The following SSBP3 variants were observed in gnomAD, a reference collection of about 807,000 sequenced individuals.
SSBP3 encodes single-stranded DNA-binding protein 3.
In SSBP3, 5 loss-of-function variants were observed where a neutral mutation model predicts 69.6. The ratio of observed to expected loss-of-function variants is 0.07; its 90% CI spans 0.04 to 0.15. SSBP3 has a LOEUF of 0.15. SSBP3 is among the 10% of genes least tolerant of loss of function. SSBP3 has a pLI of 1.00. For synonymous variants in SSBP3, 196 were observed against 193.4 expected (o/e 1.01, Z -0.11); for missense variants, 312 against 534.0 (o/e 0.58, Z 4.10).
At chr1:54,251,920 A>G (rs1469117813) in intron 7 of SSBP3, 60 bp from the exon 8 acceptor site, 2 of 1,460,114 alleles carry the variant, frequency 1.4e-6, no homozygotes, top group Non-Finnish European at 1.9e-6. Flanking sequence ...CCATGGGGAC[A>G]GGCATCTACC....
rs771024441 is a variant in SSBP3, at chr1:54,353,270, C to T, written c.276+48591G>A. Among the ~76,000 whole-genome samples the T allele has an allele frequency of 6.9e-4, 105 of 152,178 alleles. 5 individuals are homozygous for T. Among genetic ancestry groups the T allele is most frequent in the Non-Finnish European group, 3.1e-4 (21 of 68,046 alleles). ...AATAGGGCAGACCCATTCTTTCCGT[C>T]GAAATCAGGCCCATTGCGAGGGGAA... On this transcript the variant is annotated intron_variant, in intron 4 of 17. Transcript: ENST00000610401.
chr1:54,391,998 A>C (rs537117508), intron 4 of SSBP3, among the ~76,000 whole-genome samples: 2 of 151,516 alleles, frequency 1.3e-5, no homozygotes, highest in African/African-American at 4.9e-5. Context: ...GCTATTAAGA[A>C]GAGTGTCCCT....
At chr1:54,304,078 G>C (rs1294379265) in intron 4 of SSBP3, among the ~76,000 whole-genome samples, 2 of 152,118 alleles carry the variant, frequency 1.3e-5, no homozygotes, top group African/African-American at 4.8e-5. Flanking sequence ...CAGACAAGGG[G>C]AAACTTGAAC....
chr1:54,362,150 A>G (rs1235806235), intron 4 of SSBP3, among the ~76,000 whole-genome samples: 1 of 152,166 alleles, frequency 6.6e-6, no homozygotes, highest in Non-Finnish European at 1.5e-5. Flanking sequence ...ACAAATAAAC[A>G]CACCCACACA....
intron 4 of SSBP3, among the ~76,000 whole-genome samples, chr1:54,355,113 G>A (rs752882335): frequency 7.2e-5 from 11 of 152,296 alleles, no homozygotes; most frequent in South Asian, 4.1e-4. Context: ...CCAGGACAAC[G>A]GTGTGACCTG....
chr1:54,284,964 T>A (rs911147161), intron 4 of SSBP3, among the ~76,000 whole-genome samples: 2 of 152,090 alleles, frequency 1.3e-5, no homozygotes, highest in Non-Finnish European at 2.9e-5. Flanking sequence ...CACGGTGTAA[T>A]TCTCTGAAAT....
At chr1:54,338,938 A>T (rs1421050720) in intron 4 of SSBP3, among the ~76,000 whole-genome samples, 1 of 152,180 alleles carries the variant, frequency 6.6e-6, no homozygotes, top group African/African-American at 2.4e-5. Context: ...GAAATCCCCA[A>T]ATAGGATGCA....
intron 5 of SSBP3, among the ~76,000 whole-genome samples, chr1:54,273,582 A>G (rs1645233249): frequency 6.6e-6 from 1 of 152,160 alleles, no homozygotes; most frequent in South Asian, 2.1e-4. Context: ...CAAGCAAAAA[A>G]AGGCTTTCTT....
At chr1:54,386,682 AC>A (rs1648105184) in intron 4 of SSBP3, among the ~76,000 whole-genome samples, 1 of 55,052 alleles carries the variant, frequency 1.8e-5, no homozygotes, top group Non-Finnish European at 3.1e-5. Context: ...AACTGATCCT[AC>A]TTTTTTTTTT....
intron 4 of SSBP3, among the ~76,000 whole-genome samples, chr1:54,360,478 G>A (rs12085905): frequency 0.034 from 5,209 of 152,194 alleles, 294 homozygotes; most frequent in African/African-American, 0.11. Context: ...GAATAACAGC[G>A]CTGGAAGGGG....
chr1:54,240,078 G>C (rs1439537484), intron 13 of SSBP3, among the ~76,000 whole-genome samples: 1 of 20,840 alleles, frequency 4.8e-5, no homozygotes, highest in African/African-American at 3.0e-4. Flanking sequence ...GTGTGTGTGT[G>C]TGTGTGTGTG....
intron 4 of SSBP3, among the ~76,000 whole-genome samples, chr1:54,362,240 G>A (rs557603242): frequency 3.3e-5 from 5 of 152,248 alleles, no homozygotes; most frequent in East Asian, 3.9e-4. Context: ...TCCCAAGAGC[G>A]AGCTCAGTAA....
chr1:54,297,841 C>G (rs1645728651), intron 4 of SSBP3, among the ~76,000 whole-genome samples: 1 of 152,164 alleles, frequency 6.6e-6, no homozygotes, highest in Admixed American at 6.5e-5. Flanking sequence ...GGTTGCACAT[C>G]AAAATCATGT....
chr1:54,396,329 T>C (rs1648884794), intron 4 of SSBP3, among the ~76,000 whole-genome samples: 1 of 152,114 alleles, frequency 6.6e-6, no homozygotes, highest in Non-Finnish European at 1.5e-5. Context: ...TCTAATGCAC[T>C]TGTGCCGTGG....
In SSBP3 at chr1:54,355,005, G is replaced by A. The variant is rs75966238; in HGVS notation, c.276+46856C>T. Among the ~76,000 whole-genome samples, 174 of 152,336 alleles carry A rather than the reference G, an allele frequency of 1.1e-3. 1 individual carries two copies. The highest frequency in any genetic ancestry group is 4.0e-3 in the African/African-American group (166 of 41,582). ...AGACTGCTTACTGCCCTCGACACAA[G>A]GTCCCTCTAAAAGGAAGGGGAGGGT... On this transcript the variant is annotated intron_variant, in intron 4 of 17. Coordinates refer to ENST00000610401, the Ensembl canonical transcript of SSBP3.
At chr1:54,229,583 C>T (rs977763130) in intron 14 of SSBP3, among the ~76,000 whole-genome samples, 1 of 152,066 alleles carries the variant, frequency 6.6e-6, no homozygotes, top group Admixed American at 6.6e-5. Context: ...AGATAAGAGT[C>T]GATTCTACCC....
chr1:54,306,400 C>A (rs185112202), intron 4 of SSBP3, among the ~76,000 whole-genome samples: 4 of 152,312 alleles, frequency 2.6e-5, no homozygotes, highest in Admixed American at 2.6e-4. Flanking sequence ...GGACACCAGG[C>A]TCATTACTGG....
At position 54,374,716 on chromosome 1, in the gene SSBP3, C is replaced by T. The variant is rs182934147; in HGVS notation, c.276+27145G>A. Among the ~76,000 whole-genome samples the T allele has an allele frequency of 3.0e-4, 45 of 152,270 alleles. 2 individuals carry two copies. Among genetic ancestry groups the T allele is most frequent in the Admixed American group, 2.7e-3 (42 of 15,296 alleles). ...GGACAGAATGCAAAGCAAATCCATG[C>T]TAACCACACACAACCCTGACCCCAA... On this transcript the variant is annotated intron_variant, in intron 4 of 17. Transcript: ENST00000610401.
At chr1:54,389,626 A>C (rs1395303610) in intron 4 of SSBP3, among the ~76,000 whole-genome samples, 1 of 152,150 alleles carries the variant, frequency 6.6e-6, no homozygotes, top group Non-Finnish European at 1.5e-5. Context: ...TGGGAGGCCG[A>C]GGCAGGAGAC....
Sources: allele counts gnomAD v4.1 joint callset (sites outside exome capture counted in the v4.1 genomes callset), GRCh38; gene constraint gnomAD v4.1.1; transcripts MANE v1.5; gene names NCBI Gene and HGNC (gene_info 2026-07-23, HGNC 2026-07-21).